Variants in ADAMTS6 observed in about 807,000 individuals in gnomAD.
ADAMTS6 encodes the protein ADAM metallopeptidase with thrombospondin type 1 motif 6, also known as A disintegrin and metalloproteinase with thrombospondin motifs 6.
Under a neutral mutation model 144.3 loss-of-function variants are expected in ADAMTS6, and 23 were observed. That is an observed-to-expected ratio of 0.16 (90% CI 0.11 to 0.23). The LOEUF (loss-of-function observed/expected upper bound fraction) is 0.23, where lower values mean the gene tolerates loss of function less well. ADAMTS6 is among the 10% of genes least tolerant of loss of function. The pLI is 1.00. For synonymous variants in ADAMTS6, 444 were observed against 457.5 expected, an observed-to-expected ratio of 0.97 and a Z score of 0.38; for missense variants, 999 against 1,379.6, an observed-to-expected ratio of 0.72 and a Z score of 4.37.
chr5:65,280,426 T>C (rs992961151), intron 11 of ADAMTS6, among the ~76,000 whole-genome samples: 6 of 152,210 alleles, frequency 3.9e-5, no homozygotes, highest in Non-Finnish European at 5.9e-5. Context: ...AGCTTAGTGT[T>C]TTGGAAATAA....
At chr5:65,365,267 A>G (rs1475638627) in intron 7 of ADAMTS6, among the ~76,000 whole-genome samples, 1 of 152,222 alleles carries the variant, frequency 6.6e-6, no homozygotes, top group East Asian at 1.9e-4. Flanking sequence ...TAATCAAGTA[A>G]TAAAAAACCA....
intron 4 of ADAMTS6, among the ~76,000 whole-genome samples, chr5:65,459,851 G>A (rs1036638974): frequency 3.3e-5 from 5 of 151,982 alleles, no homozygotes; most frequent in Admixed American, 6.6e-5. Flanking sequence ...CAGGCTAAAC[G>A]AACACCACAG....
chr5:65,443,481 G>T (rs1445959974), intron 7 of ADAMTS6, among the ~76,000 whole-genome samples: 3 of 151,718 alleles, frequency 2.0e-5, no homozygotes. Flanking sequence ...AATTAGCTGG[G>T]CATTGTGGTG....
At chr5:65,371,494 T>G (rs955984843) in intron 7 of ADAMTS6, among the ~76,000 whole-genome samples, 2 of 151,972 alleles carry the variant, frequency 1.3e-5, no homozygotes, top group Non-Finnish European at 2.9e-5. Flanking sequence ...CAGGAGCCAA[T>G]GCGATCAACT....
chr5:65,398,271 G>A (rs59514176), intron 7 of ADAMTS6, among the ~76,000 whole-genome samples: 7,190 of 152,216 alleles, frequency 0.047, 349 homozygotes, highest in African/African-American at 0.13. Context: ...TCTCCCAACA[G>A]TTCTTTCAGT....
At chr5:65,380,563 CA>C (rs1432001802) in intron 7 of ADAMTS6, among the ~76,000 whole-genome samples, 1 of 152,096 alleles carries the variant, frequency 6.6e-6, no homozygotes, top group South Asian at 2.1e-4. Context: ...GTAAAAAAGT[CA>C]GACTCTGTCT....
intron 9 of ADAMTS6, among the ~76,000 whole-genome samples, chr5:65,310,421 G>A (rs1221742171): frequency 6.6e-6 from 1 of 152,150 alleles, no homozygotes; most frequent in Non-Finnish European, 1.5e-5. Context: ...AGCTACATGG[G>A]AGGCTGAGGC....
At chr5:65,375,190 A>G (rs1751399831) in intron 7 of ADAMTS6, among the ~76,000 whole-genome samples, 1 of 152,260 alleles carries the variant, frequency 6.6e-6, no homozygotes, top group African/African-American at 2.4e-5. Context: ...CATTCAGGAC[A>G]TAGGCATGGG....
At chr5:65,177,664 T>C (rs935309161) in intron 22 of ADAMTS6, among the ~76,000 whole-genome samples, 1 of 152,244 alleles carries the variant, frequency 6.6e-6, no homozygotes. Flanking sequence ...TTCATTTTAC[T>C]CGAGGATCAT....
At chr5:65,155,120 C>T (rs1341456701) in intron 24 of ADAMTS6, among the ~76,000 whole-genome samples, 7 of 152,108 alleles carry the variant, frequency 4.6e-5, no homozygotes, top group South Asian at 2.1e-4. Flanking sequence ...TCACCAACCA[C>T]GACTCATCTT....
At chr5:65,274,654 G>A (rs1177231248) in intron 11 of ADAMTS6, among the ~76,000 whole-genome samples, 1 of 152,046 alleles carries the variant, frequency 6.6e-6, no homozygotes. Flanking sequence ...GCAGAGAGGA[G>A]ATATATAGTG....
At chr5:65,275,387 GAAAGAA>G (rs1762414767) in intron 11 of ADAMTS6, among the ~76,000 whole-genome samples, 2 of 132,760 alleles carry the variant, frequency 1.5e-5, no homozygotes, top group African/African-American at 5.7e-5. Flanking sequence ...AAGAAAGAAA[GAAAGAA>G]AGAAAGAAAG....
At chr5:65,257,926 C>A (rs1219711331) in intron 14 of ADAMTS6, among the ~76,000 whole-genome samples, 1 of 152,122 alleles carries the variant, frequency 6.6e-6, no homozygotes, top group Non-Finnish European at 1.5e-5. Flanking sequence ...TCTTTGAGGG[C>A]AGAGATTGTC....
intron 4 of ADAMTS6, among the ~76,000 whole-genome samples, chr5:65,458,859 T>C (rs1215381187): frequency 2.6e-5 from 4 of 152,204 alleles, no homozygotes; most frequent in Non-Finnish European, 5.9e-5. Flanking sequence ...AATAACACTT[T>C]AGTGTACTAG....
chr5:65,447,876 C>T (rs1029955022), intron 7 of ADAMTS6, among the ~76,000 whole-genome samples: 1 of 149,934 alleles, frequency 6.7e-6, no homozygotes, highest in Non-Finnish European at 1.5e-5. Context: ...AGAAATATTG[C>T]CATATTTCCA....
intron 7 of ADAMTS6, among the ~76,000 whole-genome samples, chr5:65,448,878 T>C (rs1758502452): frequency 6.6e-6 from 1 of 152,166 alleles, no homozygotes; most frequent in African/African-American, 2.4e-5. Flanking sequence ...GTGAGTTAGA[T>C]CAACCAATTT....
intron 10 of ADAMTS6, among the ~76,000 whole-genome samples, chr5:65,299,221 C>T (rs1254618768): frequency 6.6e-6 from 1 of 152,050 alleles, no homozygotes; most frequent in Non-Finnish European, 1.5e-5. Flanking sequence ...CATATAATCA[C>T]ATATATAACA....
chr5:65,328,789 T>C (rs941336718), intron 9 of ADAMTS6, among the ~76,000 whole-genome samples: 1 of 151,810 alleles, frequency 6.6e-6, no homozygotes, highest in Non-Finnish European at 1.5e-5. Flanking sequence ...GGGGGCAGGG[T>C]ACATAAGATA....
Position 65,398,842 on chromosome 5 carries a change from AAGAAAGAAAAAG to A in ADAMTS6, c.1073+52621_1073+52632del, listed in dbSNP as rs796441476. Among the ~76,000 whole-genome samples the A allele has an allele frequency of 2.7e-4, 37 of 138,066 alleles. 1 individual carries two copies. The East Asian group carries it at 6.1e-3, about 23-fold the overall frequency. 90.6% of individuals were successfully genotyped at this position (138,066 alleles called of 152,430 possible). On this transcript the variant is annotated intron_variant, in intron 7 of 24. Coordinates refer to ENST00000381055, the MANE Select transcript of ADAMTS6 (RefSeq NM_197941.4). Reference sequence around the variant, plus strand: ...AAAGAAAGAAAGAAAGAAAGAAAGAAAGAAAGAAAAAGAAAGAGAAAGAAAGAAAGAAAGAAA... The same window carrying A: ...AAAGAAAGAAAGAAAGAAAGAAAGAAAAAGAGAAAGAAAGAAAGAAAGAAA...
Sources: gnomAD v4.1 joint callset for allele counts (sites outside exome capture counted in the v4.1 genomes callset) on GRCh38, gnomAD v4.1.1 for gene constraint, MANE v1.5 for transcripts, NCBI Gene and HGNC (gene_info 2026-07-23, HGNC 2026-07-21) for gene names.